The following MIDEAS variants were observed in gnomAD, a reference collection of about 807,000 sequenced individuals.
MIDEAS encodes the protein mitotic deacetylase-associated SANT domain protein.
In MIDEAS, 26 loss-of-function variants were observed where a neutral mutation model predicts 102.7. That is an observed-to-expected ratio of 0.25 (90% confidence interval 0.19 to 0.35). The LOEUF (loss-of-function observed/expected upper bound fraction) is 0.35. Among genes scored for constraint, MIDEAS ranks in the 10% least tolerant of loss-of-function variants. MIDEAS has a pLI of 1.00. For missense variants in MIDEAS, 1,231 were observed against 1,435.6 expected, an observed-to-expected ratio of 0.86 and a Z score of 2.30; for synonymous variants, 585 against 591.0, an observed-to-expected ratio of 0.99 and a Z score of 0.15.
intron 1 of MIDEAS, among the ~76,000 whole-genome samples, chr14:73,770,728 C>T (rs533584860): frequency 2.3e-4 from 35 of 152,282 alleles, no homozygotes; most frequent in Non-Finnish European, 3.2e-4. Context: ...GACACCAGGG[C>T]TCTTTGTGGG....
At chr14:73,722,514 T>C in intron 10 of MIDEAS, 184 bp downstream of exon 10, 1 of 554,130 alleles carries the variant, frequency 1.8e-6, no homozygotes, top group Non-Finnish European at 3.1e-6. Flanking sequence ...GTATTATTAC[T>C]ATGACACCAG....
chr14:73,766,810 C>T (rs973139896), intron 1 of MIDEAS, among the ~76,000 whole-genome samples: 1 of 151,358 alleles, frequency 6.6e-6, no homozygotes, highest in African/African-American at 2.4e-5. Flanking sequence ...GTCTCAGCCT[C>T]CCAAAGTGCT....
chr14:73,763,004 C>A (rs1040967851), upstream of MIDEAS, among the ~76,000 whole-genome samples: 6 of 152,170 alleles, frequency 3.9e-5, no homozygotes, highest in Non-Finnish European at 8.8e-5. Flanking sequence ...TCTGTCACTG[C>A]CCTGTGTTTC....
At chr14:73,730,258 T>C in intron 3 of MIDEAS, 3 of 596,064 alleles carry the variant, frequency 5.0e-6, no homozygotes, top group Non-Finnish European at 6.2e-6. Flanking sequence ...CTTCTTTCCC[T>C]TTTTCTTTTT....
intron 1 of MIDEAS, among the ~76,000 whole-genome samples, chr14:73,773,814 C>T (rs1305147341): frequency 6.6e-6 from 1 of 151,570 alleles, no homozygotes; most frequent in Non-Finnish European, 1.5e-5. Context: ...CTTGAGGTCA[C>T]GAGTTCGAGA....
chr14:73,767,009 C>A (rs934603347), intron 1 of MIDEAS, among the ~76,000 whole-genome samples: 6 of 151,990 alleles, frequency 3.9e-5, no homozygotes, highest in Non-Finnish European at 8.8e-5. Flanking sequence ...GCCTCGCCAC[C>A]ACACCCAGCT....
intron 3 of MIDEAS, among the ~76,000 whole-genome samples, chr14:73,734,472 A>G (rs766586749): frequency 9.9e-5 from 15 of 152,156 alleles, no homozygotes; most frequent in Admixed American, 3.3e-4. Context: ...CAGTGGCACA[A>G]TCACAGCTCC....
At chr14:73,758,513 C>T (rs1043627004) in intron 1 of MIDEAS, among the ~76,000 whole-genome samples, 1 of 152,238 alleles carries the variant, frequency 6.6e-6, no homozygotes, top group Non-Finnish European at 1.5e-5. Flanking sequence ...CAGACATCCC[C>T]TCCCTCCCCC....
Position 73,717,155 on chromosome 14 carries a change from T to TAC in MIDEAS, c.*1686_*1687dup, listed in dbSNP as rs2052904291. 1 of 152,268 alleles carries TAC rather than the reference T, an allele frequency of 6.6e-6. No individual in the cohort carries two copies. The highest frequency in any genetic ancestry group is 1.5e-5 in the Non-Finnish European group (1 of 68,056). 9.4% of individuals were successfully genotyped at this position (152,268 alleles called of 1,614,324 possible). A position where few individuals can be genotyped will look rare whatever the true frequency, so the allele number is the denominator to read the frequency against. On this transcript the variant is annotated 3_prime_UTR_variant, in exon 13 of 13. Transcript: ENST00000423556. ...ACAAAACTCCCTCTCCACTCCCAGTTACTGACATGATGCTTCTTGGCTATC... is the reference window on the plus strand; with the variant it reads ...ACAAAACTCCCTCTCCACTCCCAGTTACACTGACATGATGCTTCTTGGCTATC...
chr14:73,769,453 C>T (rs1016110290), intron 1 of MIDEAS, among the ~76,000 whole-genome samples: 5 of 152,248 alleles, frequency 3.3e-5, no homozygotes, highest in Middle Eastern at 3.4e-3. Context: ...CATTATGGCC[C>T]GCCCCAACAT....
chr14:73,726,012 G>A (rs1277188782), intron 8 of MIDEAS, 21 bp downstream of exon 8: 1 of 1,572,082 alleles, frequency 6.4e-7, no homozygotes, highest in Non-Finnish European at 8.6e-7. Context: ...CAGGCACCAT[G>A]CCCACCGCAG....
chr14:73,739,890 C>G lies in MIDEAS; in HGVS notation c.119G>C (p.Arg40Thr), dbSNP rs1406158299. ...CCCGAGGTACTGCTCCTCCTTCACT[C>G]TGATGGACTGCTGGGGGGGCTGCAG... ...PPLQPPQQSI[R>T]VKEEQYLGHE... Residue 40 changes from arginine (R) to threonine (T), a missense_variant, in exon 2 of 13, where the codon AGA (arginine) becomes ACA (threonine). Coordinates refer to ENST00000423556, the MANE Select transcript of MIDEAS (RefSeq NM_001367710.1). 1.3e-6 allele frequency: 2 copies of G among 1,568,558 alleles called. No individual in the cohort carries two copies. Among genetic ancestry groups the G allele is most frequent in the African/African-American group, 2.7e-5 (2 of 73,734 alleles).
At chr14:73,779,638 C>T (rs1356695097) in intron 1 of MIDEAS, among the ~76,000 whole-genome samples, 1 of 133,942 alleles carries the variant, frequency 7.5e-6, no homozygotes, top group African/African-American at 2.8e-5. Context: ...ACTGCAGTGG[C>T]GCAATCTCGG....
chr14:73,729,463 C>G (rs760110344), intron 4 of MIDEAS, among the ~76,000 whole-genome samples, 177 bp downstream of exon 4: 1 of 152,176 alleles, frequency 6.6e-6, no homozygotes, highest in Non-Finnish European at 1.5e-5. Context: ...TGGGCGGGCC[C>G]CCCACCCCTC....
intron 1 of MIDEAS, among the ~76,000 whole-genome samples, chr14:73,746,939 T>A (rs1024311583): frequency 2.6e-5 from 4 of 152,110 alleles, no homozygotes. Flanking sequence ...AAACACACGC[T>A]AATTATAATG....
At position 73,726,847 on chromosome 14, in the gene MIDEAS, C is replaced by T. The variant is rs74937439; in HGVS notation, c.2288G>A (p.Arg763Gln). The T allele has an allele frequency of 1.4e-3, 2,248 of 1,610,850 alleles. 33 individuals carry two copies. In the African/African-American group the frequency reaches 0.025, roughly 18 times the overall value. Residue 763 changes from arginine to glutamine, a missense_variant, in exon 6 of 13, where the codon CGG becomes CAG. Transcript: ENST00000423556. ...WQPWEDLESSREKQRQVEDLL... is the reference protein window; with the variant it reads ...WQPWEDLESSQEKQRQVEDLL... ...CTCCTCACCTTGCCTCTGCTTCTCC[C>T]GGCTGCTCTCTAGGTCCTCCCATGG...
At position 73,717,723 on chromosome 14, in the gene MIDEAS, A is replaced by T. The variant is rs2052913235; in HGVS notation, c.*1120T>A. ...GTCCCTGAGAGGATGTTAAAAATTAAATACTAAGAATAAATAAATAGCTCC... is the reference window on the plus strand; with the variant it reads ...GTCCCTGAGAGGATGTTAAAAATTATATACTAAGAATAAATAAATAGCTCC... On this transcript the variant is annotated 3_prime_UTR_variant, in exon 13 of 13. Transcript: ENST00000423556. The T allele has an allele frequency of 1.3e-5, 2 of 152,658 alleles. No individual in the cohort carries two copies. Among genetic ancestry groups the T allele is most frequent in the African/African-American group, 4.8e-5 (2 of 41,456 alleles). 9.5% of individuals were successfully genotyped at this position (152,658 alleles called of 1,614,324 possible).
chr14:73,727,574 C>T, intron 4 of MIDEAS, 50 bp from the exon 5 acceptor site: 2 of 1,533,388 alleles, frequency 1.3e-6, no homozygotes, highest in Non-Finnish European at 1.8e-6. Context: ...TTCAGCAAAG[C>T]ACCCCCAATC....
chr14:73,756,355 C>T (rs1331651051), intron 1 of MIDEAS, among the ~76,000 whole-genome samples: 2 of 151,978 alleles, frequency 1.3e-5, no homozygotes, highest in Admixed American at 6.6e-5. Context: ...ATTGCAGTTT[C>T]CAACATTAAA....
Sources: gnomAD v4.1 joint callset for allele counts (sites outside exome capture counted in the v4.1 genomes callset) on GRCh38, gnomAD v4.1.1 for gene constraint, MANE v1.5 for transcripts, NCBI Gene and HGNC (gene_info 2026-07-23, HGNC 2026-07-21) for gene names.